The following PHF20L1 variants were observed in gnomAD, a reference collection of about 807,000 sequenced individuals.
PHF20L1 encodes the protein PHD finger protein 20-like protein 1.
PHF20L1 carries 44 observed loss-of-function variants against 125.5 expected under a neutral mutation model. The observed-to-expected ratio is 0.35, with a 90% CI of 0.28 to 0.45. PHF20L1 has a LOEUF of 0.45. PHF20L1 is among the 20% of genes least tolerant of loss of function. The pLI is 1.00. For missense variants in PHF20L1, 1,012 were observed against 1,217.2 expected, an observed-to-expected ratio of 0.83 and a Z score of 2.51; for synonymous variants, 380 against 403.1, an observed-to-expected ratio of 0.94 and a Z score of 0.69.
intron 4 of PHF20L1, among the ~76,000 whole-genome samples, chr8:132,796,936 G>A (rs377314380): frequency 3.9e-5 from 6 of 151,988 alleles, no homozygotes; most frequent in Non-Finnish European, 7.4e-5. Flanking sequence ...TGGGGCCTTC[G>A]TTACATGCTT....
chr8:132,797,475 G>A (rs554566876), intron 4 of PHF20L1, among the ~76,000 whole-genome samples: 1 of 151,978 alleles, frequency 6.6e-6, no homozygotes, highest in Non-Finnish European at 1.5e-5. Context: ...GAAATAGCAT[G>A]AGCAAAGGCA....
At chr8:132,834,680 C>T (rs138442428) in intron 15 of PHF20L1, among the ~76,000 whole-genome samples, 440 of 152,042 alleles carry the variant, frequency 2.9e-3, no homozygotes, top group Middle Eastern at 0.01. Context: ...AACTGTTTTA[C>T]CCACATTCCA....
chr8:132,815,839 A>G (rs762006708), intron 10 of PHF20L1: 2 of 151,864 alleles, frequency 1.3e-5, no homozygotes, highest in Non-Finnish European at 2.9e-5. Flanking sequence ...TGTTTTCCTA[A>G]TAAGCTTCAT....
intron 17 of PHF20L1, chr8:132,838,588 T>C (rs1425203735): frequency 6.6e-6 from 1 of 152,036 alleles, no homozygotes; most frequent in Non-Finnish European, 1.5e-5. Context: ...TCTCAAATAA[T>C]AGGCATGTGG....
chr8:132,815,716 T>A (rs891083492), intron 10 of PHF20L1: 1 of 151,974 alleles, frequency 6.6e-6, no homozygotes, highest in Admixed American at 6.6e-5. Flanking sequence ...TTTATCAAAC[T>A]TATTAACCTA....
intron 9 of PHF20L1, chr8:132,812,883 T>A: frequency 1.0e-6 from 1 of 980,626 alleles, no homozygotes; most frequent in Non-Finnish European, 1.2e-6. Flanking sequence ...AATGGACTTA[T>A]TTATATTTTT....
chr8:132,818,862 C>T (rs1835268006), intron 12 of PHF20L1: 1 of 151,782 alleles, frequency 6.6e-6, no homozygotes, highest in Admixed American at 6.6e-5. Context: ...GTTGTATATA[C>T]ATTGGGAAAA....
chr8:132,792,315 T>C (rs1831819122), intron 2 of PHF20L1, among the ~76,000 whole-genome samples: 1 of 152,194 alleles, frequency 6.6e-6, no homozygotes, highest in Non-Finnish European at 1.5e-5. Flanking sequence ...ATTGACAATT[T>C]TTATGTTTTA....
intron 9 of PHF20L1, among the ~76,000 whole-genome samples, chr8:132,814,069 T>G (rs1384825836): frequency 6.6e-6 from 1 of 151,898 alleles, no homozygotes; most frequent in Non-Finnish European, 1.5e-5. Context: ...TGATGCATTG[T>G]GCTTATGAAA....
Position 132,775,406 on chromosome 8 carries a change from AGGCGGCGGCGGCGGCGGC to A in PHF20L1, c.-275_-258del, listed in dbSNP as rs3832583. The A allele has an allele frequency of 4.7e-5, 18 of 382,552 alleles. No individual in the cohort carries two copies. The highest frequency in any genetic ancestry group is 7.3e-5 in the Non-Finnish European group (16 of 218,460). 23.7% of individuals were successfully genotyped at this position (382,552 alleles called of 1,614,324 possible). A position where few individuals can be genotyped will look rare whatever the true frequency, so the allele number is the denominator to read the frequency against. ...TCGCGTCAGGGCTGGCCGGCGGCGGAGGCGGCGGCGGCGGCGGCGATGGCAGCGGACCCTGAGCGAGCT... is the reference window on the plus strand; with the variant it reads ...TCGCGTCAGGGCTGGCCGGCGGCGGAGATGGCAGCGGACCCTGAGCGAGCT... On this transcript the variant is annotated 5_prime_UTR_variant, in exon 1 of 21. Coordinates refer to ENST00000395386, the MANE Select transcript of PHF20L1 (RefSeq NM_016018.5).
chr8:132,794,963 T>A, intron 4 of PHF20L1, 146 bp downstream of exon 4: 1 of 603,022 alleles, frequency 1.7e-6, no homozygotes, highest in Admixed American at 3.2e-5. Context: ...AGCATTTGAT[T>A]TGTTATGTGT....
At chr8:132,823,132 AT>A (rs1053203593) in intron 12 of PHF20L1, among the ~76,000 whole-genome samples, 32 of 151,966 alleles carry the variant, frequency 2.1e-4, no homozygotes, top group African/African-American at 6.0e-4. Flanking sequence ...TTGAGATTGA[AT>A]ATTTTAATGT....
chr8:132,828,801 G>T (rs956149881), intron 14 of PHF20L1, among the ~76,000 whole-genome samples: 1 of 152,000 alleles, frequency 6.6e-6, no homozygotes, highest in Non-Finnish European at 1.5e-5. Flanking sequence ...TAAGGATACT[G>T]CAGGCATACA....
intron 19 of PHF20L1, chr8:132,843,605 T>TTATG (rs1554644645): frequency 2.2e-6 from 2 of 912,914 alleles, no homozygotes; most frequent in Non-Finnish European, 2.6e-6. Context: ...CAAACGCACA[T>TTATG]TGTGTGTGTG....
chr8:132,840,600 C>A (rs1193183431), intron 18 of PHF20L1, among the ~76,000 whole-genome samples: 1 of 152,096 alleles, frequency 6.6e-6, no homozygotes, highest in Non-Finnish European at 1.5e-5. Context: ...GCCACATAAT[C>A]CCTGTGCTTT....
intron 14 of PHF20L1, chr8:132,826,614 C>G (rs527662958): frequency 6.6e-6 from 1 of 151,646 alleles, no homozygotes; most frequent in African/African-American, 2.4e-5. Context: ...AGTTTTAAAA[C>G]TAAACAGTGT....
Position 132,839,448 on chromosome 8 carries a change from C to T in PHF20L1, c.2253C>T (p.Cys751=), listed in dbSNP as rs764917722. Residue 751 remains cysteine, a synonymous_variant, in exon 18 of 21, where the codon TGC becomes TGT. Coordinates refer to ENST00000395386, the MANE Select transcript of PHF20L1 (RefSeq NM_016018.5). ...AGTGGTTGAATAATGGGAGAATGTG[C>T]GGGTTATCATTTTTCAAAGAAAATT... ...DKEWLNNGRM[C]GLSFFKENYS... The T allele has an allele frequency of 4.3e-5, 70 of 1,612,638 alleles. No homozygotes were observed. The highest frequency in any genetic ancestry group is 5.7e-5 in the Non-Finnish European group (67 of 1,178,986).
intron 8 of PHF20L1, among the ~76,000 whole-genome samples, chr8:132,806,165 C>T (rs1249096621): frequency 6.6e-6 from 1 of 151,824 alleles, no homozygotes; most frequent in Non-Finnish European, 1.5e-5. Context: ...TGCTTTTTTT[C>T]CTTCAATTTG....
intron 2 of PHF20L1, among the ~76,000 whole-genome samples, chr8:132,782,051 T>G (rs952353632): frequency 2.6e-5 from 4 of 152,246 alleles, no homozygotes; most frequent in South Asian, 2.1e-4. Context: ...AGTCAACTAT[T>G]TTTTATCTTA....
Sources: gnomAD v4.1 joint callset for allele counts (sites outside exome capture counted in the v4.1 genomes callset) on GRCh38, gnomAD v4.1.1 for gene constraint, MANE v1.5 for transcripts, NCBI Gene and HGNC (gene_info 2026-07-23, HGNC 2026-07-21) for gene names.